The following CRB1 variants were observed in gnomAD, a reference collection of about 807,000 sequenced individuals.
CRB1 encodes protein crumbs homolog 1.
CRB1 carries 83 observed loss-of-function variants against 120.0 expected under a neutral mutation model. The observed-to-expected ratio is 0.69, with a 90% CI of 0.58 to 0.83. CRB1 has a LOEUF of 0.83. Ranked by LOEUF, CRB1 falls within the 40% of genes least tolerant of loss-of-function variation. The probability of loss-of-function intolerance (pLI) is 0.00; values close to 1 mark genes in which losing one functional copy is unlikely to be tolerated. For missense variants in CRB1, 1,699 were observed against 1,687.6 expected (o/e 1.01, Z -0.12); for synonymous variants, 625 against 612.5 (o/e 1.02, Z -0.30).
chr1:197,402,256 C>T (rs1287141302), intron 5 of CRB1, among the ~76,000 whole-genome samples: 1 of 152,078 alleles, frequency 6.6e-6, no homozygotes, highest in African/African-American at 2.4e-5. Flanking sequence ...CCCTTCTTTG[C>T]GTTCATGAGT....
chr1:197,370,349 G>A (rs6664399), intron 5 of CRB1, among the ~76,000 whole-genome samples: 125,815 of 152,120 alleles, frequency 0.83, 52,353 homozygotes, highest in African/African-American at 0.92. Context: ...TTTACAGAAC[G>A]TTCTACCCAA....
intron 5 of CRB1, among the ~76,000 whole-genome samples, chr1:197,393,650 A>G (rs1662623310): frequency 6.6e-6 from 1 of 152,148 alleles, no homozygotes; most frequent in Non-Finnish European, 1.5e-5. Context: ...CAAAAAAAGT[A>G]TCACCCAATT....
At chr1:197,396,174 T>A (rs368788342) in intron 5 of CRB1, among the ~76,000 whole-genome samples, 1 of 152,180 alleles carries the variant, frequency 6.6e-6, no homozygotes, top group South Asian at 2.1e-4. Flanking sequence ...AAAAAATTAG[T>A]TGTTTTTATA....
At chr1:197,248,123 G>A in the CRB1 span, among the ~76,000 whole-genome samples, 1 of 151,878 alleles carries the variant, frequency 6.6e-6, no homozygotes, top group African/African-American at 2.4e-5. Context: ...TTAAGCGACT[G>A]TTTTCCTAAA....
rs779056552 is a variant in CRB1 at position 197,435,661 on chromosome 1, A to C, written c.3749+49A>C. ...CTTGGTCTTTGAAGCTATACTCTGCATCACTGTTCTTGTCAAATTGGAAAG... is the reference window on the plus strand; with the variant it reads ...CTTGGTCTTTGAAGCTATACTCTGCCTCACTGTTCTTGTCAAATTGGAAAG... On this transcript the variant is annotated intron_variant, in intron 9 of 11. Coordinates refer to ENST00000367400, the MANE Select transcript of CRB1 (RefSeq NM_201253.3). 2.0e-6 allele frequency: 3 copies of C among 1,495,282 alleles called. No individual in the cohort carries two copies. The African/African-American group carries it at 4.1e-5, about 21-fold the overall frequency. 92.6% of individuals were successfully genotyped at this position (1,495,282 alleles called of 1,614,324 possible).
chr1:197,363,910 AC>A, intron 5 of CRB1: 1 of 1,227,158 alleles, frequency 8.1e-7, no homozygotes, highest in Non-Finnish European at 1.2e-6. Flanking sequence ...AATCCTCACT[AC>A]GGATGGGCTC....
the CRB1 span, among the ~76,000 whole-genome samples, chr1:197,205,493 C>A: frequency 6.6e-6 from 1 of 152,098 alleles, no homozygotes; most frequent in Non-Finnish European, 1.5e-5. Context: ...TTTTCTGTGT[C>A]TATTAAGATG....
At chr1:197,329,381 G>T (rs1370097763) in intron 2 of CRB1, among the ~76,000 whole-genome samples, 3 of 152,166 alleles carry the variant, frequency 2.0e-5, no homozygotes, top group Non-Finnish European at 4.4e-5. Context: ...TTCTGGGAAG[G>T]CAGTTTGGAA....
the CRB1 span, among the ~76,000 whole-genome samples, chr1:197,224,999 T>C: frequency 1.3e-5 from 2 of 152,186 alleles, no homozygotes; most frequent in Non-Finnish European, 2.9e-5. Context: ...CTAGTATTTA[T>C]TAAGCACTGG....
intron 6 of CRB1, among the ~76,000 whole-genome samples, chr1:197,425,930 G>GT (rs1275887345): frequency 1.3e-5 from 2 of 151,734 alleles, no homozygotes; most frequent in African/African-American, 2.4e-5. Context: ...AATGTTGAAG[G>GT]TGGGGCCGAT....
At chr1:197,202,707 AAAG>A in the CRB1 span, among the ~76,000 whole-genome samples, 1 of 152,212 alleles carries the variant, frequency 6.6e-6, no homozygotes, top group Non-Finnish European at 1.5e-5. Context: ...AATATACAAT[AAAG>A]AGAACCAATA....
chr1:197,449,635 G>C (rs947919374), intron 11 of CRB1, among the ~76,000 whole-genome samples: 2 of 152,212 alleles, frequency 1.3e-5, no homozygotes, highest in Non-Finnish European at 2.9e-5. Flanking sequence ...CAAAGTGCTG[G>C]AATTACAAGC....
intron 10 of CRB1, chr1:197,441,942 G>T: frequency 1.8e-6 from 1 of 567,460 alleles, no homozygotes; most frequent in Non-Finnish European, 3.1e-6. Context: ...TTAATTCCGT[G>T]TGTATATGTA....
chr1:197,471,847 G>A (rs1255430538), intron 11 of CRB1, among the ~76,000 whole-genome samples: 1 of 152,272 alleles, frequency 6.6e-6, no homozygotes, highest in East Asian at 1.9e-4. Context: ...AGGTCTGTGT[G>A]GGAGGTTTTT....
chr1:197,437,109 G>A (rs897763381), intron 9 of CRB1, among the ~76,000 whole-genome samples: 1 of 152,090 alleles, frequency 6.6e-6, no homozygotes, highest in Non-Finnish European at 1.5e-5. Context: ...TCATTATGGG[G>A]AGGTGAGAGG....
At chr1:197,427,340 C>T (rs1202595364) in intron 6 of CRB1, 114 bp from the exon 7 acceptor site, 3 of 795,924 alleles carry the variant, frequency 3.8e-6, no homozygotes, top group East Asian at 2.5e-5. Context: ...AGTGTGTATG[C>T]TTGTGTGCAT....
intron 1 of CRB1, among the ~76,000 whole-genome samples, chr1:197,307,559 A>G (rs1034730782): frequency 2.0e-5 from 3 of 152,230 alleles, no homozygotes; most frequent in African/African-American, 7.2e-5. Flanking sequence ...AGAGAAGTTC[A>G]GTATGAAAGT....
At chr1:197,444,302 G>A (rs1665597305) in intron 11 of CRB1, 1 of 152,066 alleles carries the variant, frequency 6.6e-6, no homozygotes, top group Non-Finnish European at 1.5e-5. Flanking sequence ...ATTTCAAACT[G>A]GGAGCAACTA....
chr1:197,336,021 ACCATATTGCCATGCAGTGTCTTTCACG>A, intron 2 of CRB1, among the ~76,000 whole-genome samples: 2 of 152,226 alleles, frequency 1.3e-5, no homozygotes, highest in Non-Finnish European at 2.9e-5. Flanking sequence ...GCTTCTGTCC[ACCATATTGCCATGCAGTGTCTTTCACG>A]TACACAACTG....
Sources: gnomAD v4.1 joint callset for allele counts (sites outside exome capture counted in the v4.1 genomes callset) on GRCh38, gnomAD v4.1.1 for gene constraint, MANE v1.5 for transcripts, NCBI Gene and HGNC (gene_info 2026-07-23, HGNC 2026-07-21) for gene names.